COL26A1: variants seen among roughly 807,000 people sequenced by gnomAD.
The protein encoded by COL26A1 is collagen alpha-1(XXVI) chain.
COL26A1 carries 41 observed loss-of-function variants against 59.3 expected under a neutral mutation model. That is an observed-to-expected ratio of 0.69 (90% CI 0.54 to 0.90). COL26A1 has a LOEUF of 0.90. Among genes scored for constraint, COL26A1 ranks in the 40% least tolerant of loss-of-function variants. The pLI, the probability that COL26A1 is intolerant of heterozygous loss-of-function variation, is 0.00. For missense variants in COL26A1, 612 were observed against 602.3 expected (o/e 1.02, Z -0.17); for synonymous variants, 266 against 256.0 (o/e 1.04, Z -0.37).
At chr7:101,449,394 G>A (rs1793276227) in intron 3 of COL26A1, among the ~76,000 whole-genome samples, 1 of 152,194 alleles carries the variant, frequency 6.6e-6, no homozygotes, top group East Asian at 1.9e-4. Context: ...TCCTGCCAGG[G>A]GCCGAGGAGG....
intron 1 of COL26A1, among the ~76,000 whole-genome samples, chr7:101,390,162 T>TTTTG (rs2130143951): frequency 7.0e-6 from 1 of 143,630 alleles, no homozygotes; most frequent in Admixed American, 7.1e-5. Flanking sequence ...TTTTTTTTTT[T>TTTTG]TTTTTTTTTT....
At chr7:101,400,591 T>C (rs923401551) in intron 1 of COL26A1, among the ~76,000 whole-genome samples, 9 of 151,630 alleles carry the variant, frequency 5.9e-5, no homozygotes, top group African/African-American at 1.9e-4. Context: ...GGAGTTTCGC[T>C]CTTGTTGCCC....
rs535334195 is a variant in COL26A1 at position 101,464,701 on chromosome 7, G to A, written c.385+16914G>A. Among the ~76,000 whole-genome samples, 696 of 151,928 alleles carry A rather than the reference G, an allele frequency of 4.6e-3. 3 individuals carry two copies. The highest frequency in any genetic ancestry group is 6.4e-3 in the Non-Finnish European group (433 of 67,950). On this transcript the variant is annotated intron_variant, in intron 3 of 12. Transcript: ENST00000313669. Reference sequence around the variant, plus strand: ...GCTGGAATTACAGGCTTGAGCTACCGTGCCCGGCCTCTAATTCTTATTTTT... The same window carrying A: ...GCTGGAATTACAGGCTTGAGCTACCATGCCCGGCCTCTAATTCTTATTTTT...
chr7:101,390,848 A>C (rs1791712137), intron 1 of COL26A1, among the ~76,000 whole-genome samples: 1 of 152,208 alleles, frequency 6.6e-6, no homozygotes, highest in Non-Finnish European at 1.5e-5. Flanking sequence ...TGGGAAGCTC[A>C]GTGGGCTGTG....
rs60343304 is a variant in COL26A1 at position 101,446,046 on chromosome 7, C to CAAAAAAAAAAAAAAAAAAAAAAA, written c.282-1636_282-1614dup. On this transcript the variant is annotated intron_variant, in intron 2 of 12. Coordinates refer to ENST00000313669, the MANE Select transcript of COL26A1 (RefSeq NM_001278563.3). Reference sequence around the variant, plus strand: ...CTGATGACAGAGCAAGACTCCGTCTCAAAAAAAAAAAAAAAAAAAAAAAAG... The same window carrying CAAAAAAAAAAAAAAAAAAAAAAA: ...CTGATGACAGAGCAAGACTCCGTCTCAAAAAAAAAAAAAAAAAAAAAAAAAAAAAAAAAAAAAAAAAAAAAAAG... 4.3e-4 allele frequency among the ~76,000 whole-genome samples: 22 copies of CAAAAAAAAAAAAAAAAAAAAAAA among 51,000 alleles called. 1 individual carries two copies. The highest frequency in any genetic ancestry group is 9.9e-4 in the South Asian group (1 of 1,008). 33.5% of individuals were successfully genotyped at this position (51,000 alleles called of 152,430 possible). A position where few individuals can be genotyped will look rare whatever the true frequency, so the allele number is the denominator to read the frequency against.
At chr7:101,494,772 C>G (rs1414265578) in intron 3 of COL26A1, among the ~76,000 whole-genome samples, 2 of 152,222 alleles carry the variant, frequency 1.3e-5, no homozygotes, top group Admixed American at 6.5e-5. Context: ...TCCAGCTGCA[C>G]TTGTTTAATG....
intron 1 of COL26A1, among the ~76,000 whole-genome samples, chr7:101,387,766 ATATATATATATAT>A (rs1562958296): frequency 5.4e-4 from 21 of 38,766 alleles, no homozygotes; most frequent in South Asian, 1.3e-3. Context: ...ATATATATAT[ATATATATATATAT>A]TTTTTTTTAA....
intron 3 of COL26A1, among the ~76,000 whole-genome samples, chr7:101,486,856 A>G (rs1407456803): frequency 6.6e-6 from 1 of 152,200 alleles, no homozygotes; most frequent in Non-Finnish European, 1.5e-5. Flanking sequence ...TTCCTTTGGA[A>G]TCAGACCCTG....
At chr7:101,459,368 G>T (rs890763186) in intron 3 of COL26A1, among the ~76,000 whole-genome samples, 1 of 151,918 alleles carries the variant, frequency 6.6e-6, no homozygotes, top group African/African-American at 2.4e-5. Flanking sequence ...GCACGATCTC[G>T]TGCTCACTAC....
intron 3 of COL26A1, among the ~76,000 whole-genome samples, chr7:101,488,377 T>TATATATATATATATAC (rs1396620345): frequency 4.4e-5 from 2 of 45,902 alleles, no homozygotes; most frequent in African/African-American, 1.8e-4. Flanking sequence ...TATATATATA[T>TATATATATATATATAC]ACACACACAT....
In COL26A1 at chr7:101,542,292, G is replaced by A. The variant is rs192619194; in HGVS notation, c.605-1706G>A. ...TAATTTTTGTATTTTTAGTAGAGAC[G>A]GGGTTTCACCATGTCGGCCAGGCTG... is the stretch of plus-strand genomic sequence containing the variant. On this transcript the variant is annotated intron_variant, in intron 5 of 12. Transcript: ENST00000313669. Among the ~76,000 whole-genome samples the A allele has an allele frequency of 7.4e-4, 112 of 152,186 alleles. 1 individual carries two copies. The highest frequency in any genetic ancestry group is 6.8e-3 in the Middle Eastern group (2 of 294).
At chr7:101,461,242 T>A (rs1793602697) in intron 3 of COL26A1, among the ~76,000 whole-genome samples, 1 of 152,094 alleles carries the variant, frequency 6.6e-6, no homozygotes, top group African/African-American at 2.4e-5. Context: ...TCTCTTGCTT[T>A]GGCCTTCCAA....
At chr7:101,527,646 C>T (rs1478242694) in intron 3 of COL26A1, among the ~76,000 whole-genome samples, 1 of 152,164 alleles carries the variant, frequency 6.6e-6, no homozygotes, top group Non-Finnish European at 1.5e-5. Context: ...GTCTTTCACA[C>T]ACACACTTGC....
At chr7:101,475,912 CTCTCTCTTTCTT>C (rs1194843690) in intron 3 of COL26A1, among the ~76,000 whole-genome samples, 4 of 145,372 alleles carry the variant, frequency 2.8e-5, no homozygotes, top group African/African-American at 8.1e-5. Context: ...CTTTCTCTCT[CTCTCTCTTTCTT>C]TCTCTCTCTC....
At chr7:101,427,118 G>A (rs150219120) in intron 2 of COL26A1, among the ~76,000 whole-genome samples, 9 of 152,340 alleles carry the variant, frequency 5.9e-5, no homozygotes, top group African/African-American at 9.6e-5. Context: ...GAGTGCAGTG[G>A]CACAATCATA....
chr7:101,387,772 A>ATT (rs1374717696), intron 1 of COL26A1, among the ~76,000 whole-genome samples: 5 of 42,510 alleles, frequency 1.2e-4, no homozygotes, highest in Admixed American at 8.3e-4. Context: ...ATATATATAT[A>ATT]TATATATTTT....
chr7:101,556,209 C>G (rs1025238180), intron 12 of COL26A1, among the ~76,000 whole-genome samples: 1 of 152,212 alleles, frequency 6.6e-6, no homozygotes, highest in African/African-American at 2.4e-5. Context: ...TCAAAGATCT[C>G]GGCCTCTGTG....
intron 1 of COL26A1, among the ~76,000 whole-genome samples, chr7:101,406,148 C>T (rs1285206463): frequency 6.6e-6 from 1 of 152,236 alleles, no homozygotes; most frequent in Admixed American, 6.5e-5. Context: ...AAGATTTGGT[C>T]AGTCGCCATG....
chr7:101,394,505 T>G (rs1658805430), intron 1 of COL26A1, among the ~76,000 whole-genome samples: 1 of 151,862 alleles, frequency 6.6e-6, no homozygotes, highest in South Asian at 2.1e-4. Flanking sequence ...TTCTTGGCCT[T>G]AAGCAATCCT....
Sources: gnomAD v4.1 joint callset for allele counts (sites outside exome capture counted in the v4.1 genomes callset) on GRCh38, gnomAD v4.1.1 for gene constraint, MANE v1.5 for transcripts, NCBI Gene and HGNC (gene_info 2026-07-23, HGNC 2026-07-21) for gene names.